C4orf50: variants seen among roughly 807,000 people sequenced by gnomAD.
The protein encoded by C4orf50 is chromosome 4 open reading frame 50.
In C4orf50, 80 loss-of-function variants were observed where a neutral mutation model predicts 77.2. The ratio of observed to expected loss-of-function variants is 1.04; its 90% CI spans 0.87 to 1.25. The LOEUF (loss-of-function observed/expected upper bound fraction) is 1.25, where lower values mean the gene tolerates loss of function less well. Among genes scored for constraint, C4orf50 ranks in the 50% most tolerant of loss-of-function variants. The pLI is 0.00. For synonymous variants in C4orf50, 532 were observed against 465.3 expected, an observed-to-expected ratio of 1.14 and a Z score of -1.84; for missense variants, 1,257 against 1,152.9, an observed-to-expected ratio of 1.09 and a Z score of -1.31.
intron 28 of C4orf50, among the ~76,000 whole-genome samples, chr4:5,985,869 TGAGGCAG>T (rs1486324902): frequency 1.3e-5 from 2 of 152,126 alleles, no homozygotes; most frequent in Non-Finnish European, 2.9e-5. Context: ...CTTGGGAGGT[TGAGGCAG>T]GAGAATCACT....
At chr4:5,979,338 G>C (rs181930444) in intron 29 of C4orf50, among the ~76,000 whole-genome samples, 128 of 152,314 alleles carry the variant, frequency 8.4e-4, no homozygotes, top group South Asian at 2.1e-3. Context: ...TTGGCCTCAT[G>C]ATGACATAAT....
At chr4:5,897,987 CT>C (rs1716195817) in exon 8 of C4orf50, 1 of 152,206 alleles carries the variant, frequency 6.6e-6, no homozygotes, top group Non-Finnish European at 1.5e-5. Context: ...CATTCTCAGC[CT>C]TGAGTTTATG....
chr4:5,968,308 C>T (rs557494619), intron 31 of C4orf50, among the ~76,000 whole-genome samples: 85 of 152,328 alleles, frequency 5.6e-4, no homozygotes, highest in Non-Finnish European at 9.0e-4. Flanking sequence ...TCTCGCACAG[C>T]GCCTTCTCTG....
chr4:5,962,897 C>A (rs552193619), intron 33 of C4orf50, among the ~76,000 whole-genome samples: 89 of 152,300 alleles, frequency 5.8e-4, no homozygotes, highest in Non-Finnish European at 1.1e-3. Context: ...TATGCTCCAG[C>A]GATGTTGCTT....
At chr4:5,975,723 A>C (rs1282031257) in intron 30 of C4orf50, among the ~76,000 whole-genome samples, 176 bp downstream of exon 8, 1 of 152,068 alleles carries the variant, frequency 6.6e-6, no homozygotes, top group Non-Finnish European at 1.5e-5. Context: ...TCCTGAGCTC[A>C]AGCAATCCAC....
rs58017259 is a variant in C4orf50 at position 5,912,256 on chromosome 4, C to CGTGTGTGTGTGTGT, written c.*2475-14082_*2475-14069dup. Among the ~76,000 whole-genome samples, 219 of 146,422 alleles carry CGTGTGTGTGTGTGT rather than the reference C, an allele frequency of 1.5e-3. 1 individual carries two copies. The highest frequency in any genetic ancestry group is 2.5e-3 in the African/African-American group (96 of 39,136). ...GCCAGCTCCAGTCTAGCACTCCACT[C>CGTGTGTGTGTGTGT]GTGTGTGTGTGTGTGTGTGTGTGTG... On this transcript the variant is annotated intron_variant, in intron 7 of 7. Coordinates refer to the C4orf50 transcript ENST00000324058.
chr4:5,928,139 A>G (rs562161915), intron 7 of C4orf50, among the ~76,000 whole-genome samples: 80 of 152,316 alleles, frequency 5.3e-4, no homozygotes, highest in African/African-American at 1.9e-3. Context: ...TTCATAATAC[A>G]CCTGAAAATT....
chr4:5,994,341 G>A lies in C4orf50; in HGVS notation c.1093+6C>T, dbSNP rs886602012. The A allele has an allele frequency of 3.0e-5, 12 of 399,126 alleles. No homozygotes were observed. The highest frequency in any genetic ancestry group is 1.3e-4 in the South Asian group (1 of 7,870). 24.7% of individuals were successfully genotyped at this position (399,126 alleles called of 1,614,324 possible). A position where few individuals can be genotyped will look rare whatever the true frequency, so the allele number is the denominator to read the frequency against. ...TCGTCCTCCACGCACCGCGGTACCCGCGCACCTGCTGGGGCCCTTTGTCTG... is the reference window on the plus strand; with the variant it reads ...TCGTCCTCCACGCACCGCGGTACCCACGCACCTGCTGGGGCCCTTTGTCTG... On this transcript the variant is annotated splice_donor_region_variant and intron_variant, in intron 26 of 33. Transcript: ENST00000531445.
At chr4:6,006,267 T>C (rs775285766) in intron 25 of C4orf50, among the ~76,000 whole-genome samples, 1 of 152,200 alleles carries the variant, frequency 6.6e-6, no homozygotes, top group Non-Finnish European at 1.5e-5. Flanking sequence ...ATAAATTTTA[T>C]TTCCAAAAAA....
chr4:6,016,678 C>T (rs908258577), intron 23 of C4orf50, among the ~76,000 whole-genome samples: 1 of 152,046 alleles, frequency 6.6e-6, no homozygotes, highest in African/African-American at 2.4e-5. Flanking sequence ...GCAACCCAGG[C>T]AAACTAACAT....
intron 33 of C4orf50, among the ~76,000 whole-genome samples, chr4:5,961,299 A>G (rs1719259842): frequency 1.3e-5 from 2 of 152,208 alleles, no homozygotes; most frequent in South Asian, 4.1e-4. Context: ...TGGGCAACAG[A>G]GGGAGACTCC....
At position 6,017,376 on chromosome 4, in the gene C4orf50, C is replaced by T. The variant is rs187264430; in HGVS notation, c.287+769G>A. Among the ~76,000 whole-genome samples, 2 of 152,372 alleles carry T rather than the reference C, an allele frequency of 1.3e-5. No individual in the cohort carries two copies. The highest frequency in any genetic ancestry group is 3.9e-4 in the East Asian group (2 of 5,184). ...GGAAGCCGAGAGCACATCTGAGTTA[C>T]AGCCACAGTGGGAGATGTCACTGTG... On this transcript the variant is annotated intron_variant, in intron 23 of 33. Transcript: ENST00000531445. The surrounding 1 kb of genome is among the most constrained non-coding windows in gnomAD (Gnocchi z 4.7).
chr4:6,003,765 G>A (rs892812329), intron 25 of C4orf50, among the ~76,000 whole-genome samples: 1 of 130,902 alleles, frequency 7.6e-6, no homozygotes, highest in African/African-American at 2.9e-5. Flanking sequence ...TGATGTGATA[G>A]TGATGATGGT....
chr4:5,948,083 C>G (rs1391668961), intron 7 of C4orf50, among the ~76,000 whole-genome samples: 2 of 152,188 alleles, frequency 1.3e-5, no homozygotes, highest in Admixed American at 1.3e-4. Context: ...AGGTCTGTGA[C>G]AACCCATGGG....
chr4:5,958,773 C>CTTAAG lies in C4orf50; in HGVS notation c.*601_*602insCTTAA, dbSNP rs954160208. ...TTTTTAAATGTAAAATATATGGTGACTTAGGCGTTTCACTTAGTAGACAAA... is the reference window on the plus strand; with the variant it reads ...TTTTTAAATGTAAAATATATGGTGACTTAAGTTAGGCGTTTCACTTAGTAGACAAA... On this transcript the variant is annotated 3_prime_UTR_variant, in exon 34 of 34. Coordinates refer to ENST00000531445, the Ensembl canonical transcript of C4orf50. This position sits in a 1 kb window ranked among gnomAD's most constrained non-coding sequence, Gnocchi z 5.4. 16 of 152,294 alleles carry CTTAAG rather than the reference C, an allele frequency of 1.1e-4. No homozygotes were observed. Among genetic ancestry groups the CTTAAG allele is most frequent in the African/African-American group, 3.9e-4 (16 of 41,518 alleles). 9.4% of individuals were successfully genotyped at this position (152,294 alleles called of 1,614,324 possible).
intron 31 of C4orf50, 114 bp from the exon 10 acceptor site, chr4:5,967,576 T>G (rs6446421): frequency 1.7e-5 from 15 of 874,440 alleles, no homozygotes; most frequent in Non-Finnish European, 2.7e-5. Flanking sequence ...AAAAAACCGC[T>G]TTCTGTGTAG....
In C4orf50 at chr4:6,004,807, T is replaced by C. The variant is rs577752308; in HGVS notation, c.963+3189A>G. ...GTGATGGTGGTGATGGTGATGGTGA[T>C]GTTGGTGATGATGGTGATAGTGATG... On this transcript the variant is annotated intron_variant, in intron 25 of 33. Transcript: ENST00000531445. Among the ~76,000 whole-genome samples, 10 of 151,342 alleles carry C rather than the reference T, an allele frequency of 6.6e-5. No homozygotes were observed. The South Asian group carries it at 2.1e-3, about 32-fold the overall frequency.
intron 25 of C4orf50, among the ~76,000 whole-genome samples, chr4:6,003,552 G>A (rs1222608486): frequency 1.3e-5 from 2 of 150,886 alleles, no homozygotes; most frequent in Non-Finnish European, 3.0e-5. Flanking sequence ...TGGTGACTGT[G>A]ATGGTGATGG....
At chr4:5,989,175 T>G (rs772540259) in exon 28 of C4orf50, 1 of 1,536,128 alleles carries the variant, frequency 6.5e-7, no homozygotes, top group South Asian at 1.2e-5. Context: ...GGGCGCACAC[T>G]CTTTCATGGA....
Sources: allele counts gnomAD v4.1 joint callset (sites outside exome capture counted in the v4.1 genomes callset), GRCh38; gene constraint gnomAD v4.1.1; non-coding constraint Gnocchi (gnomAD v3.1); transcripts MANE v1.5; gene names NCBI Gene and HGNC (gene_info 2026-07-23, HGNC 2026-07-21).